PTPRS: variants seen among roughly 807,000 people sequenced by gnomAD.
PTPRS encodes the protein receptor-type tyrosine-protein phosphatase S.
In PTPRS, 63 loss-of-function variants were observed where a neutral mutation model predicts 215.3. The observed-to-expected ratio is 0.29, with a 90% confidence interval of 0.24 to 0.36. PTPRS has a LOEUF of 0.36. Ranked by LOEUF, PTPRS falls within the 10% of genes least tolerant of loss-of-function variation. The pLI is 1.00. For missense variants in PTPRS, 2,258 were observed against 2,825.8 expected, an observed-to-expected ratio of 0.80 and a Z score of 4.56; for synonymous variants, 1,404 against 1,191.4, an observed-to-expected ratio of 1.18 and a Z score of -3.68.
chr19:5,326,545 G>A (rs1388718506), intron 1 of PTPRS, among the ~76,000 whole-genome samples: 1 of 151,932 alleles, frequency 6.6e-6, no homozygotes, highest in African/African-American at 2.4e-5. Context: ...TACTGGCTGG[G>A]CACGGTGGCT....
chr19:5,308,826 G>A (rs1182389173), intron 1 of PTPRS, among the ~76,000 whole-genome samples: 2 of 152,224 alleles, frequency 1.3e-5, no homozygotes, highest in Non-Finnish European at 2.9e-5. Flanking sequence ...TACCCACAAT[G>A]CCTGGCCAAG....
rs1364566698 is a variant in PTPRS at position 5,244,566 on chromosome 19, G to A, written c.989-84C>T. ...CTGTGTGACTTTTCACCATTCAGTCGCCTTCTCTGAGCCTTGATTTGCCCA... is the reference window on the plus strand; with the variant it reads ...CTGTGTGACTTTTCACCATTCAGTCACCTTCTCTGAGCCTTGATTTGCCCA... On this transcript the variant is annotated intron_variant, in intron 10 of 37. Coordinates refer to ENST00000262963, the MANE Select transcript of PTPRS (RefSeq NM_002850.4). This position sits in a 1 kb window ranked among gnomAD's most constrained non-coding sequence, Gnocchi z 7.2. 2.7e-5 allele frequency: 31 copies of A among 1,136,436 alleles called. No individual in the cohort carries two copies. The highest frequency in any genetic ancestry group is 3.5e-5 in the Non-Finnish European group (28 of 796,358). The allele number at this position is 1,136,436 out of a possible 1,614,324, so 70.4% of individuals were successfully genotyped here. A position where few individuals can be genotyped will look rare whatever the true frequency, so the allele number is the denominator to read the frequency against.
At chr19:5,335,233 C>T (rs1056766430) in intron 1 of PTPRS, among the ~76,000 whole-genome samples, 2 of 152,190 alleles carry the variant, frequency 1.3e-5, no homozygotes, top group East Asian at 1.9e-4. Flanking sequence ...AGGATGCATG[C>T]GACTGACTGC....
Position 5,285,226 on chromosome 19 carries a change from G to C in PTPRS, c.91+824C>G, listed in dbSNP as rs367832152. On this transcript the variant is annotated intron_variant, in intron 2 of 37. Coordinates refer to ENST00000262963, the MANE Select transcript of PTPRS (RefSeq NM_002850.4). ...GGTTGTGCAGCAGGTTGGCAGCAGA[G>C]CCAGGATTCAAACCCAGCCTGACTG... is the stretch of plus-strand genomic sequence containing the variant. 3.0e-4 allele frequency among the ~76,000 whole-genome samples: 45 copies of C among 152,310 alleles called. No homozygotes were observed. In the East Asian group the frequency reaches 4.3e-3, roughly 14 times the overall value.
In PTPRS at chr19:5,219,475, G is replaced by GA. The variant is rs751454465; in HGVS notation, c.3766-9dup. ...GGGACTGGCTGCAAAGGTCTGCAGG[G>GA]AAAGGAGGGGGGTCTCCATCAGTGT... On this transcript the variant is annotated splice_polypyrimidine_tract_variant and intron_variant, in intron 22 of 37. Transcript: ENST00000262963. 6.4e-7 allele frequency: 1 copy of GA among 1,561,230 alleles called. No individual in the cohort carries two copies. Among genetic ancestry groups the GA allele is most frequent in the Admixed American group, 1.9e-5 (1 of 53,594 alleles).
intron 1 of PTPRS, among the ~76,000 whole-genome samples, chr19:5,334,263 C>T (rs948123543): frequency 1.3e-5 from 2 of 152,226 alleles, no homozygotes; most frequent in Non-Finnish European, 2.9e-5. Context: ...TAGCGGGGCG[C>T]GGGTGGACAC....
intron 2 of PTPRS, among the ~76,000 whole-genome samples, chr19:5,281,154 T>C (rs1039856102): frequency 3.9e-5 from 6 of 151,924 alleles, no homozygotes; most frequent in African/African-American, 1.2e-4. Flanking sequence ...GATTCAGGAA[T>C]GTTAATGGGT....
chr19:5,260,691 T>A, intron 7 of PTPRS, 114 bp downstream of exon 7: 1 of 1,336,132 alleles, frequency 7.5e-7, no homozygotes, highest in East Asian at 2.3e-5. Flanking sequence ...ACAAAGGTGG[T>A]GGCAGGGTGG....
chr19:5,260,964 A>G (rs2045948910), intron 6 of PTPRS, 142 bp from the exon 7 acceptor site: 2 of 1,002,750 alleles, frequency 2.0e-6, no homozygotes, highest in Admixed American at 2.2e-5. Context: ...CCCTGGGCAT[A>G]CGGACCCTGC....
chr19:5,337,018 T>C (rs1292064051), intron 1 of PTPRS, among the ~76,000 whole-genome samples: 1 of 152,154 alleles, frequency 6.6e-6, no homozygotes, highest in African/African-American at 2.4e-5. Flanking sequence ...CTGGGACCCC[T>C]GTCTCCTTCC....
At chr19:5,336,493 A>G (rs183170873) in intron 1 of PTPRS, among the ~76,000 whole-genome samples, 46 of 151,960 alleles carry the variant, frequency 3.0e-4, no homozygotes, top group African/African-American at 1.0e-3. Context: ...TTGAGCCTCA[A>G]TCCCCTTCCA....
intron 9 of PTPRS, among the ~76,000 whole-genome samples, chr19:5,249,602 C>A (rs376946612): frequency 1.6e-4 from 24 of 152,148 alleles, no homozygotes; most frequent in African/African-American, 4.8e-4. Flanking sequence ...GGCCAAGTAT[C>A]AATCCTTGGC....
In PTPRS at chr19:5,206,250, T is replaced by TAAA. The variant is rs199687996; in HGVS notation, c.*521_*523dup. On this transcript the variant is annotated 3_prime_UTR_variant, in exon 38 of 38. Transcript: ENST00000262963. ...TGGCGAGTCTTTTGTTTGTTTCTCT[T>TAAA]AAAAAAAAAAATGGAAAAAAAAATA... The TAAA allele has an allele frequency of 1.1e-4, 24 of 212,244 alleles. No homozygotes were observed. Among genetic ancestry groups the TAAA allele is most frequent in the South Asian group, 7.7e-4 (4 of 5,200 alleles). 13.1% of individuals were successfully genotyped at this position (212,244 alleles called of 1,614,324 possible). A position where few individuals can be genotyped will look rare whatever the true frequency, so the allele number is the denominator to read the frequency against.
chr19:5,253,998 G>A (rs1276677274), intron 9 of PTPRS, among the ~76,000 whole-genome samples: 1 of 152,146 alleles, frequency 6.6e-6, no homozygotes, highest in Non-Finnish European at 1.5e-5. Flanking sequence ...TAGCCAGGGA[G>A]GGGCACAGAC....
At chr19:5,239,633 G>A (rs899085943) in intron 12 of PTPRS, among the ~76,000 whole-genome samples, 3 of 151,424 alleles carry the variant, frequency 2.0e-5, no homozygotes, top group Non-Finnish European at 2.9e-5. Flanking sequence ...AGACAGAAAC[G>A]GAGGAGAGAG....
At position 5,301,384 on chromosome 19, in the gene PTPRS, C is replaced by T. The variant is rs535683491; in HGVS notation, c.-94-15150G>A. On this transcript the variant is annotated intron_variant, in intron 1 of 37. Coordinates refer to ENST00000262963, the MANE Select transcript of PTPRS (RefSeq NM_002850.4). ...AGGCTGGAGTACAGTGGCACCATCT[C>T]GGCTCCCTGCACCCTCTGCCTCCCA... Among the ~76,000 whole-genome samples the T allele has an allele frequency of 5.3e-5, 8 of 151,014 alleles. No homozygotes were observed. In the East Asian group the frequency reaches 5.8e-4, roughly 11 times the overall value.
chr19:5,296,445 G>A (rs1024316321), intron 1 of PTPRS, among the ~76,000 whole-genome samples: 1 of 152,200 alleles, frequency 6.6e-6, no homozygotes, highest in African/African-American at 2.4e-5. Flanking sequence ...AGGCTGCAGT[G>A]AGCTAGGATG....
intron 1 of PTPRS, among the ~76,000 whole-genome samples, chr19:5,300,573 C>T (rs1342860581): frequency 6.6e-6 from 1 of 151,642 alleles, no homozygotes; most frequent in Non-Finnish European, 1.5e-5. Context: ...GTTTTTGAGA[C>T]CAGCCTGGGC....
chr19:5,219,048 C>T, intron 23 of PTPRS: 1 of 635,330 alleles, frequency 1.6e-6, no homozygotes, highest in Non-Finnish European at 2.7e-6. Context: ...TTGAACTGGA[C>T]ACAGGCAGCC....
Sources: gnomAD v4.1 joint callset for allele counts (sites outside exome capture counted in the v4.1 genomes callset) on GRCh38, gnomAD v4.1.1 for gene constraint, Gnocchi (gnomAD v3.1) non-coding constraint, MANE v1.5 for transcripts, NCBI Gene and HGNC (gene_info 2026-07-23, HGNC 2026-07-21) for gene names.